Variants in AFG2A observed in about 807,000 individuals in gnomAD.
The protein encoded by AFG2A is ATPase family gene 2 protein homolog A.
the AFG2A span, among the ~76,000 whole-genome samples, chr4:123,176,180 A>G: frequency 6.6e-6 from 1 of 152,166 alleles, no homozygotes; most frequent in African/African-American, 2.4e-5. Flanking sequence ...ATATATGTTT[A>G]TTTTGTGGCT....
At chr4:123,082,408 C>T in the AFG2A span, among the ~76,000 whole-genome samples, 1 of 152,026 alleles carries the variant, frequency 6.6e-6, no homozygotes, top group Non-Finnish European at 1.5e-5. Context: ...CTTGTATTGC[C>T]TTTGCTACTA....
At chr4:123,134,410 A>G in the AFG2A span, among the ~76,000 whole-genome samples, 1 of 152,092 alleles carries the variant, frequency 6.6e-6, no homozygotes, top group African/African-American at 2.4e-5. Flanking sequence ...TCAATTGACT[A>G]TAGACATGTG....
the AFG2A span, among the ~76,000 whole-genome samples, chr4:123,229,622 G>T: frequency 6.6e-6 from 1 of 151,910 alleles, no homozygotes; most frequent in South Asian, 2.1e-4. Context: ...TACAAAATTT[G>T]GCAATTTTGG....
At chr4:123,169,419 T>C in the AFG2A span, among the ~76,000 whole-genome samples, 1 of 152,222 alleles carries the variant, frequency 6.6e-6, no homozygotes, top group Non-Finnish European at 1.5e-5. Context: ...GAAGGATTAG[T>C]CCGACGTATT....
chr4:123,318,883 T>C, the AFG2A span: 2 of 152,210 alleles, frequency 1.3e-5, no homozygotes. Context: ...ATGGCCAGCT[T>C]CCTGTCTTAG....
the AFG2A span, among the ~76,000 whole-genome samples, chr4:122,972,343 A>G: frequency 6.6e-6 from 1 of 151,972 alleles, no homozygotes; most frequent in Non-Finnish European, 1.5e-5. Context: ...AGGTTTTGTA[A>G]TGATGTCTGC....
chr4:123,080,383 A>T, the AFG2A span, among the ~76,000 whole-genome samples: 2 of 152,200 alleles, frequency 1.3e-5, no homozygotes, highest in Non-Finnish European at 2.9e-5. Context: ...TGGCATGCTG[A>T]CCTTGGACTT....
the AFG2A span, among the ~76,000 whole-genome samples, chr4:123,154,464 C>T: frequency 1.3e-5 from 2 of 152,124 alleles, no homozygotes. Context: ...AGACAATTGA[C>T]TGCACATCTA....
At chr4:123,001,596 C>G in the AFG2A span, among the ~76,000 whole-genome samples, 66 of 151,578 alleles carry the variant, frequency 4.4e-4, no homozygotes, top group Non-Finnish European at 8.2e-4. Flanking sequence ...TGTTCAGTTT[C>G]CATGTAGTTG....
the AFG2A span, among the ~76,000 whole-genome samples, chr4:123,054,541 A>G: frequency 6.6e-6 from 1 of 151,744 alleles, no homozygotes; most frequent in Non-Finnish European, 1.5e-5. Flanking sequence ...ACACAGTGAA[A>G]CCCTGTCTCT....
At chr4:123,152,150 G>A in the AFG2A span, among the ~76,000 whole-genome samples, 2 of 152,042 alleles carry the variant, frequency 1.3e-5, no homozygotes, top group African/African-American at 2.4e-5. Flanking sequence ...GGAAAGGGGA[G>A]GGATAACATT....
the AFG2A span, among the ~76,000 whole-genome samples, chr4:123,197,662 G>A: frequency 4.6e-5 from 7 of 152,090 alleles, no homozygotes; most frequent in African/African-American, 1.7e-4. Context: ...CAGCTACTTG[G>A]GAGGCTGAGG....
At chr4:122,956,809 A>G in the AFG2A span, among the ~76,000 whole-genome samples, 1 of 152,224 alleles carries the variant, frequency 6.6e-6, no homozygotes, top group Admixed American at 6.5e-5. Flanking sequence ...TGTCCCAAAT[A>G]CTAGTGTATG....
the AFG2A span, among the ~76,000 whole-genome samples, chr4:123,112,301 GAAAAACAAAAAT>G: frequency 6.6e-6 from 1 of 152,176 alleles, no homozygotes; most frequent in Non-Finnish European, 1.5e-5. Context: ...AGGAGATAAA[GAAAAACAAAAAT>G]AATTGAGTTA....
At chr4:123,179,973 A>G in the AFG2A span, among the ~76,000 whole-genome samples, 1 of 152,104 alleles carries the variant, frequency 6.6e-6, no homozygotes, top group African/African-American at 2.4e-5. Context: ...TAATCCCCGC[A>G]CTTTAGGAGG....
At chr4:123,028,528 A>T in the AFG2A span, 1 of 683,398 alleles carries the variant, frequency 1.5e-6, no homozygotes, top group South Asian at 1.9e-5. Flanking sequence ...TTTGATGTTG[A>T]TGGCAATATA....
chr4:123,142,909 AT>A, the AFG2A span, among the ~76,000 whole-genome samples: 1 of 152,220 alleles, frequency 6.6e-6, no homozygotes, highest in East Asian at 1.9e-4. Context: ...TTGAGACGCA[AT>A]AGCTATTACA....
At chr4:123,097,787 G>A in the AFG2A span, among the ~76,000 whole-genome samples, 1 of 152,140 alleles carries the variant, frequency 6.6e-6, no homozygotes, top group Admixed American at 6.5e-5. Context: ...ACTTCATTTC[G>A]ATGTTCATAA....
the AFG2A span, among the ~76,000 whole-genome samples, chr4:122,991,444 A>G: frequency 6.6e-6 from 1 of 152,172 alleles, no homozygotes; most frequent in Non-Finnish European, 1.5e-5. Flanking sequence ...TGTCCTGCCA[A>G]TTACCAGACA....
Sources: gnomAD v4.1 joint callset for allele counts (sites outside exome capture counted in the v4.1 genomes callset) on GRCh38, gnomAD v4.1.1 for gene constraint, MANE v1.5 for transcripts, NCBI Gene and HGNC (gene_info 2026-07-23, HGNC 2026-07-21) for gene names.